The following TJP2 variants were observed in gnomAD, a reference collection of about 807,000 sequenced individuals.
TJP2 encodes the protein Friedreich ataxia region gene X104 (tight junction protein ZO-2).
TJP2 carries 91 observed loss-of-function variants against 133.1 expected under a neutral mutation model. The ratio of observed to expected loss-of-function variants is 0.68; its 90% CI spans 0.58 to 0.81. The LOEUF (loss-of-function observed/expected upper bound fraction) is 0.81, where lower values mean the gene tolerates loss of function less well. Among genes scored for constraint, TJP2 ranks in the 40% least tolerant of loss-of-function variants. The pLI is 0.00. For synonymous variants in TJP2, 592 were observed against 583.4 expected, an observed-to-expected ratio of 1.01 and a Z score of -0.21; for missense variants, 1,541 against 1,565.6, an observed-to-expected ratio of 0.98 and a Z score of 0.26.
chr9:69,155,892 T>G (rs1213548229), intron 2 of TJP2, among the ~76,000 whole-genome samples: 2 of 152,202 alleles, frequency 1.3e-5, no homozygotes, highest in African/African-American at 4.8e-5. Context: ...AACCTGAGGC[T>G]AAAAAGTTAT....
intron 1 of TJP2, among the ~76,000 whole-genome samples, chr9:69,149,909 G>A (rs891796066): frequency 6.6e-6 from 1 of 152,098 alleles, no homozygotes; most frequent in African/African-American, 2.4e-5. Context: ...CAGCACTTTA[G>A]GAGGCCAAGG....
At chr9:69,144,620 C>T (rs907671259) in intron 1 of TJP2, among the ~76,000 whole-genome samples, 1 of 152,162 alleles carries the variant, frequency 6.6e-6, no homozygotes, top group Non-Finnish European at 1.5e-5. Context: ...CTTTCATAAA[C>T]GATAACTGTA....
intron 1 of TJP2, among the ~76,000 whole-genome samples, chr9:69,186,352 T>C (rs1172845266): frequency 1.3e-5 from 2 of 152,148 alleles, no homozygotes; most frequent in East Asian, 3.8e-4. Context: ...TGCAGAGAAA[T>C]TTGAAGTGAT....
At chr9:69,139,653 A>G (rs1822926828) in intron 1 of TJP2, among the ~76,000 whole-genome samples, 2 of 152,188 alleles carry the variant, frequency 1.3e-5, no homozygotes, top group African/African-American at 4.8e-5. Context: ...GCCCCAGGAA[A>G]CTAATTCAGG....
intron 1 of TJP2, among the ~76,000 whole-genome samples, chr9:69,211,000 A>G (rs4745701): frequency 0.48 from 72,499 of 151,980 alleles, 18,324 homozygotes; most frequent in East Asian, 0.63. Flanking sequence ...CTGGAAATAC[A>G]GACGTGAGCC....
intron 2 of TJP2, among the ~76,000 whole-genome samples, chr9:69,159,953 A>G (rs1823984909): frequency 2.0e-5 from 3 of 151,370 alleles, no homozygotes; most frequent in Admixed American, 1.3e-4. Flanking sequence ...GTGTATATAT[A>G]TATAGCAATA....
Position 69,130,340 on chromosome 9 carries a change from A to G in TJP2, c.-131+8615A>G, listed in dbSNP as rs1483327424. ...CTGGATTTAGAAAAAGAAAACTTCC[A>G]TTTGAGGGTTCTTTGAGACAGTAGT... On this transcript the variant is annotated intron_variant, in intron 1 of 5. Transcript: ENST00000423935. 2.0e-5 allele frequency among the ~76,000 whole-genome samples: 3 copies of G among 152,176 alleles called. No homozygotes were observed. The East Asian group carries it at 5.8e-4, about 29-fold the overall frequency.
intron 17 of TJP2, 103 bp from the exon 18 acceptor site, chr9:69,246,587 A>G: frequency 1.0e-6 from 1 of 977,356 alleles, no homozygotes; most frequent in Non-Finnish European, 1.6e-6. Flanking sequence ...CGTCTGCCAT[A>G]GTCTTAAATA....
At chr9:69,246,132 A>G (rs1310259594) in intron 17 of TJP2, 2 of 173,660 alleles carry the variant, frequency 1.2e-5, no homozygotes, top group Non-Finnish European at 2.5e-5. Flanking sequence ...TTTAAAGTAT[A>G]TAAGAGGATG....
At chr9:69,211,255 T>C (rs1488114821) in intron 1 of TJP2, among the ~76,000 whole-genome samples, 1 of 152,218 alleles carries the variant, frequency 6.6e-6, no homozygotes, top group Non-Finnish European at 1.5e-5. Context: ...GAGAATCGCT[T>C]GAACCTGGGA....
At chr9:69,205,022 T>C (rs1827285122) in intron 1 of TJP2, 1 of 1,418,632 alleles carries the variant, frequency 7.0e-7, no homozygotes, top group Admixed American at 2.6e-5. Flanking sequence ...TATGGATGTG[T>C]CACTGTGTGA....
At chr9:69,134,707 C>T (rs1004896663) in intron 1 of TJP2, among the ~76,000 whole-genome samples, 2 of 152,216 alleles carry the variant, frequency 1.3e-5, no homozygotes, top group Non-Finnish European at 2.9e-5. Flanking sequence ...GCTGGGCCTA[C>T]GACCTGTGTC....
At chr9:69,239,058 A>T (rs1358482139) in intron 16 of TJP2, among the ~76,000 whole-genome samples, 12 of 152,078 alleles carry the variant, frequency 7.9e-5, no homozygotes, top group Admixed American at 7.9e-4. Flanking sequence ...GCACAGTGGC[A>T]GGTACCTGTA....
chr9:69,139,078 G>A (rs1173661321), intron 1 of TJP2, among the ~76,000 whole-genome samples: 3 of 151,920 alleles, frequency 2.0e-5, no homozygotes, highest in East Asian at 3.9e-4. Flanking sequence ...TTAGCTGAGT[G>A]TGGTGGCTCA....
intron 1 of TJP2, chr9:69,205,197 C>T (rs1213951961): frequency 6.5e-7 from 1 of 1,537,260 alleles, no homozygotes; most frequent in Admixed American, 2.0e-5. Flanking sequence ...GGATGTGGAT[C>T]CAGGCTGTTA....
intron 21 of TJP2, among the ~76,000 whole-genome samples, chr9:69,252,402 C>G (rs1360340606): frequency 6.6e-6 from 1 of 152,164 alleles, no homozygotes; most frequent in Non-Finnish European, 1.5e-5. Context: ...CCACGTGAAA[C>G]TCCGTACCCA....
rs374830612 is a variant in TJP2, at chr9:69,248,042, C to T, written c.2698C>T (p.Arg900Cys). 2.2e-5 allele frequency: 35 copies of T among 1,613,020 alleles called. No individual in the cohort carries two copies. Among genetic ancestry groups the T allele is most frequent in the Middle Eastern group, 1.6e-4 (1 of 6,072 alleles). ...MEGMDDDPEDRMSYLTAMGAD... is the reference protein window; with the variant it reads ...MEGMDDDPEDCMSYLTAMGAD... ...AGGGATGGATGATGACCCCGAAGAC[C>T]GCATGTCCTACTTAACCGCCATGGG... Residue 900 changes from arginine to cysteine, a missense_variant, in exon 19 of 23, where the codon CGC (arginine) becomes TGC (cysteine). By Grantham distance (180) the Arg-to-Cys change is radical. Transcript: ENST00000377245.
chr9:69,156,417 T>C (rs996777095), intron 2 of TJP2, among the ~76,000 whole-genome samples: 1 of 151,880 alleles, frequency 6.6e-6, no homozygotes, highest in Admixed American at 6.6e-5. Context: ...GACATGCCCA[T>C]AACACAGGCT....
chr9:69,157,215 A>T (rs1250629788), intron 2 of TJP2, among the ~76,000 whole-genome samples: 1 of 152,220 alleles, frequency 6.6e-6, no homozygotes, highest in African/African-American at 2.4e-5. Context: ...TATAATGATC[A>T]TGATGAAATG....
Sources: allele counts gnomAD v4.1 joint callset (sites outside exome capture counted in the v4.1 genomes callset), GRCh38; gene constraint gnomAD v4.1.1; transcripts MANE v1.5; gene names NCBI Gene and HGNC (gene_info 2026-07-23, HGNC 2026-07-21).